The following FERMT3 variants were observed in gnomAD, a reference collection of about 807,000 sequenced individuals.
FERMT3 encodes the protein FERM domain containing kindlin 3.
In FERMT3, 33 loss-of-function variants were observed where a neutral mutation model predicts 80.8. The observed-to-expected ratio is 0.41, with a 90% CI of 0.31 to 0.55. The LOEUF is 0.55. FERMT3 is among the 20% of genes least tolerant of loss of function. FERMT3 has a pLI of 0.31. For missense variants in FERMT3, 754 were observed against 908.7 expected (o/e 0.83, Z 2.19); for synonymous variants, 375 against 372.2 (o/e 1.01, Z -0.09).
chr11:64,220,198 A>T (rs1946647556), intron 10 of FERMT3, 22 bp from the exon 11 acceptor site: 7 of 1,612,034 alleles, frequency 4.3e-6, no homozygotes, highest in Non-Finnish European at 5.1e-6. Flanking sequence ...GACCTCCTAG[A>T]CCACCCCTTC....
rs200660798 is a variant in FERMT3 at position 64,220,588 on chromosome 11, C to G, written c.1464C>G (p.His488Gln). Residue 488 changes from histidine to glutamine, a missense_variant, in exon 12 of 15, where the codon CAC (histidine) becomes CAG (glutamine). Transcript: ENST00000345728. ...TGSGGPGNHP[H>Q]GPDASAEGLN... ...GTGGGGGCCCGGGCAACCACCCCCA[C>G]GGCCCTGATGCCTCTGCCGAGGGCC... 6.2e-7 allele frequency: 1 copy of G among 1,609,424 alleles called. No homozygotes were observed. The highest frequency in any genetic ancestry group is 1.3e-5 in the African/African-American group (1 of 74,842).
chr11:64,211,412 T>C lies in FERMT3; in HGVS notation c.652T>C (p.Ser218Pro). The C allele has an allele frequency of 6.2e-7, 1 of 1,600,706 alleles. No homozygotes were observed. Among genetic ancestry groups the C allele is most frequent in the Non-Finnish European group, 8.5e-7 (1 of 1,175,626 alleles). The change falls in exon 5 of 15, where the codon TCC (serine) becomes CCC (proline). Residue 218 changes from serine to proline, a missense_variant. Coordinates refer to ENST00000345728, the MANE Select transcript of FERMT3 (RefSeq NM_031471.6). This position sits in a 1 kb window ranked among gnomAD's most constrained non-coding sequence, Gnocchi z 4.7. ...GCTCCAGCGTCTGCCACGGCCCAGC[T>C]CCCTGTCAGACAAGACCCAGCTCCA... ...LLLQRLPRPS[S>P]LSDKTQLHSR... is the part of the protein sequence containing the mutation.
Position 64,219,349 on chromosome 11 carries a change from C to A in FERMT3, c.885C>A (p.Ala295=). 1 of 1,599,768 alleles carries A rather than the reference C, an allele frequency of 6.3e-7. No homozygotes were observed. The highest frequency in any genetic ancestry group is 2.3e-5 in the East Asian group (1 of 43,848). ...CCGAGGAGGAGATGATGGTGTTTGC[C>A]GCCCTGCAGGTACCAGGCGGGCCTG... ...DCTEEEMMVF[A]ALQYHINKLS... The change falls in exon 7 of 15, where the codon GCC becomes GCA. Residue 295 remains alanine, a synonymous_variant. Coordinates refer to ENST00000345728, the MANE Select transcript of FERMT3 (RefSeq NM_031471.6). The surrounding 1 kb of genome is among the most constrained non-coding windows in gnomAD (Gnocchi z 4.0).
chr11:64,222,903 G>A, intron 13 of FERMT3, 145 bp from the exon 14 acceptor site: 2 of 1,018,638 alleles, frequency 2.0e-6, no homozygotes, highest in South Asian at 3.0e-5. Flanking sequence ...TGAGGCCCAG[G>A]GAACCCAAAT....
intron 6 of FERMT3, among the ~76,000 whole-genome samples, chr11:64,217,274 G>C (rs955914639): frequency 6.6e-6 from 1 of 152,306 alleles, no homozygotes; most frequent in Middle Eastern, 3.4e-3. Context: ...TTTTTGCCGG[G>C]CACGGTGGCT....
chr11:64,218,684 T>C (rs1320560612), intron 6 of FERMT3, among the ~76,000 whole-genome samples: 2 of 152,252 alleles, frequency 1.3e-5, no homozygotes, highest in Non-Finnish European at 2.9e-5. Flanking sequence ...GTTGGTCTTC[T>C]GTGGGTAACT....
chr11:64,209,210 G>A (rs1278560454), intron 2 of FERMT3, among the ~76,000 whole-genome samples: 2 of 152,218 alleles, frequency 1.3e-5, no homozygotes, highest in African/African-American at 4.8e-5. Context: ...GCGAGTCTGA[G>A]CTGAGCTCCA....
intron 6 of FERMT3, among the ~76,000 whole-genome samples, chr11:64,215,237 C>T (rs1565292873): frequency 6.6e-6 from 1 of 152,236 alleles, no homozygotes; most frequent in Non-Finnish European, 1.5e-5. Flanking sequence ...CCTCCCACAC[C>T]CCGACCACCA....
rs796551051 is a variant in FERMT3 at position 64,210,183 on chromosome 11, C to A, written c.161-428C>A. ...CACTGCTCCAGGCCAGGCACAGGTC[C>A]AGGCCCTGAGGACATACAACGGTGA... On this transcript the variant is annotated intron_variant, in intron 2 of 14. Transcript: ENST00000345728. This position sits in a 1 kb window ranked among gnomAD's most constrained non-coding sequence, Gnocchi z 4.3. Among the ~76,000 whole-genome samples, 19 of 152,334 alleles carry A rather than the reference C, an allele frequency of 1.2e-4. No individual in the cohort carries two copies. Among genetic ancestry groups the A allele is most frequent in the African/African-American group, 4.6e-4 (19 of 41,588 alleles).
chr11:64,211,635 C>G lies in FERMT3; in HGVS notation c.684-10C>G, dbSNP rs201247420. The stretch of plus-strand genomic sequence containing the variant: ...GCGCAGCCCTGACTGCTGCTTCTGC[C>G]GCGGCCCAGGTGGCTGGACTCGTCG... On this transcript the variant is annotated splice_polypyrimidine_tract_variant and intron_variant, in intron 5 of 14. Coordinates refer to ENST00000345728, the MANE Select transcript of FERMT3 (RefSeq NM_031471.6). This position sits in a 1 kb window ranked among gnomAD's most constrained non-coding sequence, Gnocchi z 4.7. The G allele has an allele frequency of 4.0e-4, 650 of 1,613,374 alleles. 2 individuals carry two copies. The highest frequency in any genetic ancestry group is 3.3e-4 in the Non-Finnish European group (391 of 1,179,900).
intron 1 of FERMT3, 132 bp from the exon 2 acceptor site, chr11:64,207,218 TG>T: frequency 9.9e-7 from 1 of 1,012,742 alleles, no homozygotes; most frequent in Non-Finnish European, 1.5e-6. Flanking sequence ...CGTGCTGGCC[TG>T]GGTGCTCACT....
chr11:64,223,617 G>C lies in FERMT3; in HGVS notation c.*125G>C, dbSNP rs949899316. 1.3e-5 allele frequency: 15 copies of C among 1,192,574 alleles called. No individual in the cohort carries two copies. Among genetic ancestry groups the C allele is most frequent in the Non-Finnish European group, 1.7e-5 (14 of 838,002 alleles). 73.9% of individuals were successfully genotyped at this position (1,192,574 alleles called of 1,614,324 possible). ...CACCCAGCTGGGCATTTCACCTGCT[G>C]TCACTGACTTTGTGCAGGCCAAGGA... On this transcript the variant is annotated 3_prime_UTR_variant, in exon 15 of 15. Transcript: ENST00000345728.
chr11:64,218,658 G>C (rs1413399852), intron 6 of FERMT3, among the ~76,000 whole-genome samples: 1 of 152,350 alleles, frequency 6.6e-6, no homozygotes, highest in South Asian at 2.1e-4. Context: ...AATTTTGGGT[G>C]AGTTTCAGCG....
In FERMT3 at chr11:64,207,539, C is replaced by A; in HGVS notation, c.160+15C>A. 6.3e-7 allele frequency: 1 copy of A among 1,590,928 alleles called. No individual in the cohort carries two copies. The highest frequency in any genetic ancestry group is 1.1e-5 in the South Asian group (1 of 88,844). ...GGAGCAGATCAGTGAGTGTCCGCTG[C>A]CCGCTTGCTGAACTCGGCACCATGG... On this transcript the variant is annotated intron_variant, in intron 2 of 14. Transcript: ENST00000345728.
chr11:64,223,222 A>C, intron 14 of FERMT3, 33 bp downstream of exon 14: 1 of 1,613,394 alleles, frequency 6.2e-7, no homozygotes, highest in Non-Finnish European at 8.5e-7. Context: ...TGGATGGGGG[A>C]CAGGTGCAGG....
Position 64,220,345 on chromosome 11 carries a change from G to C in FERMT3, c.1311+19G>C. The C allele has an allele frequency of 6.2e-7, 1 of 1,611,918 alleles. No homozygotes were observed. On this transcript the variant is annotated intron_variant, in intron 11 of 14. Transcript: ENST00000345728. ...CCAGGATGTGAGTGAGGGCTGGGCA[G>C]GGGCCAGGGCCGGGCAGGAGCTGGG...
Position 64,211,326 on chromosome 11 carries a change from C to G in FERMT3, c.566C>G (p.Ala189Gly), listed in dbSNP as rs1946433044. 6.2e-7 allele frequency: 1 copy of G among 1,613,304 alleles called. No individual in the cohort carries two copies. The highest frequency in any genetic ancestry group is 2.2e-5 in the East Asian group (1 of 44,858). The change falls in exon 5 of 15, where the codon GCC becomes GGC. Residue 189 changes from alanine (A) to glycine (G), a missense_variant. Coordinates refer to ENST00000345728, the MANE Select transcript of FERMT3 (RefSeq NM_031471.6). This position sits in a 1 kb window ranked among gnomAD's most constrained non-coding sequence, Gnocchi z 4.7. ...RGMPAHFSDSAQTEACYHMLS... is the reference protein window; with the variant it reads ...RGMPAHFSDSGQTEACYHMLS... ...ATGCCAGCTCACTTCTCGGACAGCG[C>G]CCAGACTGAGGCCTGCTACCACATG... is the stretch of plus-strand genomic sequence containing the variant.
At chr11:64,207,809 G>C in intron 2 of FERMT3, 1 of 370,586 alleles carries the variant, frequency 2.7e-6, no homozygotes, top group Non-Finnish European at 5.0e-6. Context: ...GGTCTTGTCT[G>C]GGCCGAGGCT....
intron 6 of FERMT3, among the ~76,000 whole-genome samples, chr11:64,217,792 A>T (rs1362951947): frequency 6.6e-6 from 1 of 152,100 alleles, no homozygotes. Context: ...GAGGATCCCC[A>T]TCAGAGCCTG....
Sources: gnomAD v4.1 joint callset for allele counts (sites outside exome capture counted in the v4.1 genomes callset) on GRCh38, gnomAD v4.1.1 for gene constraint, Gnocchi (gnomAD v3.1) non-coding constraint, MANE v1.5 for transcripts, NCBI Gene and HGNC (gene_info 2026-07-23, HGNC 2026-07-21) for gene names.